Variants in STXBP5L observed in about 807,000 individuals in gnomAD.
STXBP5L encodes syntaxin binding protein 5L, also known as syntaxin-binding protein 5-like.
A neutral mutation model predicts 144.5 loss-of-function variants in STXBP5L; 65 were observed. The ratio of observed to expected loss-of-function variants is 0.45; its 90% CI spans 0.37 to 0.55. The LOEUF is 0.55. STXBP5L is among the 20% of genes least tolerant of loss of function. STXBP5L has a pLI of 0.00. For missense variants in STXBP5L, 1,298 were observed against 1,405.5 expected (o/e 0.92, Z 1.22); for synonymous variants, 505 against 469.6 (o/e 1.08, Z -0.97).
chr3:121,226,111 A>G (rs754206731), intron 11 of STXBP5L, among the ~76,000 whole-genome samples: 1 of 152,196 alleles, frequency 6.6e-6, no homozygotes, highest in Non-Finnish European at 1.5e-5. Flanking sequence ...TGGTTTTCCA[A>G]TATGGTATTG....
chr3:121,072,967 C>G (rs1470487036), intron 5 of STXBP5L, among the ~76,000 whole-genome samples: 1 of 152,192 alleles, frequency 6.6e-6, no homozygotes, highest in Non-Finnish European at 1.5e-5. Flanking sequence ...GAGCAATGCT[C>G]TAGTGAGAGC....
At chr3:121,239,380 T>C (rs958881509) in intron 13 of STXBP5L, among the ~76,000 whole-genome samples, 7 of 150,596 alleles carry the variant, frequency 4.6e-5, no homozygotes, top group Non-Finnish European at 1.5e-5. Flanking sequence ...TATGTACATT[T>C]ATATACTAAG....
intron 5 of STXBP5L, among the ~76,000 whole-genome samples, chr3:121,057,373 A>T (rs1948535025): frequency 6.6e-6 from 1 of 152,008 alleles, no homozygotes; most frequent in Non-Finnish European, 1.5e-5. Context: ...CTGAATCATC[A>T]GGAAACTGTT....
chr3:121,394,394 A>G (rs535387282), intron 22 of STXBP5L, among the ~76,000 whole-genome samples: 1 of 95,142 alleles, frequency 1.1e-5, no homozygotes, highest in East Asian at 3.6e-4. Flanking sequence ...CTTTCTTCCA[A>G]TTTGAATGCC....
chr3:121,030,988 G>T (rs1050811181), intron 3 of STXBP5L, among the ~76,000 whole-genome samples: 11 of 152,102 alleles, frequency 7.2e-5, no homozygotes, highest in Admixed American at 1.3e-4. Flanking sequence ...TGCTATAGAA[G>T]TGACCTAATG....
chr3:120,966,254 T>C (rs1939559609), intron 3 of STXBP5L, among the ~76,000 whole-genome samples: 1 of 152,180 alleles, frequency 6.6e-6, no homozygotes, highest in South Asian at 2.1e-4. Context: ...AAGTTTGTTA[T>C]TACTGACCTT....
rs1221171638 is a variant in STXBP5L, at chr3:120,986,498, T to C, written c.287+31461T>C. Among the ~76,000 whole-genome samples the C allele has an allele frequency of 2.0e-5, 3 of 152,018 alleles. No individual in the cohort carries two copies. The East Asian group carries it at 5.8e-4, about 29-fold the overall frequency. On this transcript the variant is annotated intron_variant, in intron 3 of 26. Coordinates refer to ENST00000471454, the MANE Select transcript of STXBP5L (RefSeq NM_001308330.2). ...CAACTACTATCATAGAACTGTCTACTTCCTTCAATTTTGTCAGTTTTTGCT... is the reference window on the plus strand; with the variant it reads ...CAACTACTATCATAGAACTGTCTACCTCCTTCAATTTTGTCAGTTTTTGCT...
At chr3:121,029,990 G>T (rs568424935) in intron 3 of STXBP5L, among the ~76,000 whole-genome samples, 4 of 152,216 alleles carry the variant, frequency 2.6e-5, no homozygotes, top group Admixed American at 6.5e-5. Flanking sequence ...ACCATCTCAT[G>T]CCAGTTACAA....
At chr3:121,046,967 A>G (rs1030390151) in intron 5 of STXBP5L, among the ~76,000 whole-genome samples, 2 of 151,676 alleles carry the variant, frequency 1.3e-5, no homozygotes, top group African/African-American at 2.4e-5. Context: ...TTGAGATTTT[A>G]TGAATTTTTG....
intron 3 of STXBP5L, among the ~76,000 whole-genome samples, chr3:121,028,316 T>G (rs924087627): frequency 6.6e-6 from 1 of 152,082 alleles, no homozygotes; most frequent in Non-Finnish European, 1.5e-5. Context: ...TTTTGCAGTA[T>G]TTTCTTTTCT....
intron 7 of STXBP5L, among the ~76,000 whole-genome samples, chr3:121,143,622 A>G (rs1358501793): frequency 6.6e-6 from 1 of 151,892 alleles, no homozygotes; most frequent in Non-Finnish European, 1.5e-5. Context: ...AGACCAATGG[A>G]ACAGAATAGA....
intron 19 of STXBP5L, among the ~76,000 whole-genome samples, chr3:121,300,623 A>G (rs905228788): frequency 6.6e-6 from 1 of 152,172 alleles, no homozygotes; most frequent in African/African-American, 2.4e-5. Flanking sequence ...CAACCATTAA[A>G]GAAAATAAAA....
At chr3:120,936,438 A>G (rs1710267959) in intron 2 of STXBP5L, among the ~76,000 whole-genome samples, 1 of 152,172 alleles carries the variant, frequency 6.6e-6, no homozygotes, top group Admixed American at 6.5e-5. Context: ...ACTGAGATAC[A>G]TAGGCTTTTA....
At chr3:121,250,618 T>C (rs532766535) in intron 14 of STXBP5L, 105 bp from the exon 15 acceptor site, 3 of 932,466 alleles carry the variant, frequency 3.2e-6, no homozygotes, top group Admixed American at 5.2e-5. Context: ...AGTGGTATTT[T>C]TGAATCAAAA....
At chr3:121,265,787 G>A (rs981614237) in intron 18 of STXBP5L, among the ~76,000 whole-genome samples, 1 of 151,916 alleles carries the variant, frequency 6.6e-6, no homozygotes, top group Non-Finnish European at 1.5e-5. Context: ...TGATAAAGGG[G>A]ATATCACCTC....
At chr3:121,029,214 A>G (rs1033636198) in intron 3 of STXBP5L, among the ~76,000 whole-genome samples, 4 of 152,200 alleles carry the variant, frequency 2.6e-5, no homozygotes, top group Non-Finnish European at 5.9e-5. Flanking sequence ...AAGAGCCCAT[A>G]TAGCCAAGAC....
At position 121,327,220 on chromosome 3, in the gene STXBP5L, G is replaced by A. The variant is rs1422666147; in HGVS notation, c.2176+8680G>A. Among the ~76,000 whole-genome samples, 3 of 152,052 alleles carry A rather than the reference G, an allele frequency of 2.0e-5. No individual in the cohort carries two copies. In the East Asian group the frequency reaches 5.8e-4, roughly 29 times the overall value. On this transcript the variant is annotated intron_variant, in intron 20 of 26. Coordinates refer to ENST00000471454, the MANE Select transcript of STXBP5L (RefSeq NM_001308330.2). ...GAAAGATGATACAGTCAAAACACAC[G>A]AAGTCCCCTAGACAAAACCATAATG...
intron 22 of STXBP5L, among the ~76,000 whole-genome samples, chr3:121,393,277 A>G (rs2046642841): frequency 6.7e-6 from 1 of 149,078 alleles, no homozygotes; most frequent in South Asian, 2.1e-4. Context: ...TAATGGGGTT[A>G]TTTGTGTTTT....
At chr3:121,073,823 G>A (rs973766088) in intron 5 of STXBP5L, among the ~76,000 whole-genome samples, 9 of 152,098 alleles carry the variant, frequency 5.9e-5, no homozygotes, top group South Asian at 2.1e-4. Flanking sequence ...TGCACTTGTC[G>A]CCTAGTGTCA....
Sources: allele counts gnomAD v4.1 joint callset (sites outside exome capture counted in the v4.1 genomes callset), GRCh38; gene constraint gnomAD v4.1.1; transcripts MANE v1.5; gene names NCBI Gene and HGNC (gene_info 2026-07-23, HGNC 2026-07-21).